TNFRSF11A: variants seen among roughly 807,000 people sequenced by gnomAD.
The protein encoded by TNFRSF11A is tumor necrosis factor receptor superfamily member 11A.
Under a neutral mutation model 55.7 loss-of-function variants are expected in TNFRSF11A, and 32 were observed. The ratio of observed to expected loss-of-function variants is 0.57; its 90% CI spans 0.43 to 0.77. The LOEUF is 0.77. TNFRSF11A is among the 30% of genes least tolerant of loss of function. The pLI is 0.00. For synonymous variants in TNFRSF11A, 311 were observed against 331.0 expected (o/e 0.94, Z 0.65); for missense variants, 753 against 809.8 (o/e 0.93, Z 0.85).
chr18:62,335,129 A>ATTTTTTTTTTTTTTTTTTTTTTTTTT (rs11289576), intron 1 of TNFRSF11A, among the ~76,000 whole-genome samples: 1 of 140,720 alleles, frequency 7.1e-6, no homozygotes, highest in Non-Finnish European at 1.5e-5. Flanking sequence ...TGGGGTCGGA[A>ATTTTTTTTTTTTTTTTTTTTTTTTTT]TTTTTTTTTT....
chr18:62,386,094 C>T lies in TNFRSF11A; in HGVS notation c.*1060C>T, dbSNP rs572639953. The T allele has an allele frequency of 9.1e-4, 139 of 152,280 alleles. 2 individuals are homozygous for T. Among genetic ancestry groups the T allele is most frequent in the Middle Eastern group, 3.4e-3 (1 of 294 alleles). The allele number at this position is 152,280 out of a possible 1,614,324, so 9.4% of individuals were successfully genotyped here. ...CCGCTAGGTGGTTAATTTATCCATG[C>T]TGGCAGAGGCACTCAGGTACTTGGT... On this transcript the variant is annotated 3_prime_UTR_variant, in exon 10 of 10. Coordinates refer to ENST00000586569, the MANE Select transcript of TNFRSF11A (RefSeq NM_003839.4).
rs906609866 is a variant in TNFRSF11A at position 62,388,097 on chromosome 18, CAAAAAT to C, written c.*3069_*3074del. ...GTCAGTGCACTCCAGTGTAAAAAAA[CAAAAAT>C]AAAAACCACCACTTATTTAGCTCCC... On this transcript the variant is annotated 3_prime_UTR_variant, in exon 10 of 10. Transcript: ENST00000586569. The C allele has an allele frequency of 2.0e-5, 3 of 152,198 alleles. No homozygotes were observed. The highest frequency in any genetic ancestry group is 4.8e-5 in the African/African-American group (2 of 41,432). The allele number at this position is 152,198 out of a possible 1,614,324, so 9.4% of individuals were successfully genotyped here.
At chr18:62,360,688 C>T (rs1909619944) in intron 6 of TNFRSF11A, among the ~76,000 whole-genome samples, 1 of 152,158 alleles carries the variant, frequency 6.6e-6, no homozygotes, top group Non-Finnish European at 1.5e-5. Context: ...CCCAGGTGAT[C>T]TGCCCGCCTT....
chr18:62,341,343 T>C (rs532559604), intron 1 of TNFRSF11A, among the ~76,000 whole-genome samples: 42 of 152,390 alleles, frequency 2.8e-4, no homozygotes, highest in Middle Eastern at 6.8e-3. Context: ...TTTTCCTAGT[T>C]GTCCTGCTAA....
At position 62,391,119 on chromosome 18, in the gene TNFRSF11A, T is replaced by C. The variant is rs1911975331; in HGVS notation, c.*6085T>C. ...GTAGAGTTACACAGCTCATAGCCAT[T>C]TGAGTCTGGCTTCTTTCCACATAAT... On this transcript the variant is annotated 3_prime_UTR_variant, in exon 10 of 10. Transcript: ENST00000586569. 3 of 152,246 alleles carry C rather than the reference T, an allele frequency of 2.0e-5. No homozygotes were observed. Among genetic ancestry groups the C allele is most frequent in the Admixed American group, 2.0e-4 (3 of 15,284 alleles). 9.4% of individuals were successfully genotyped at this position (152,246 alleles called of 1,614,324 possible).
At chr18:62,345,665 G>A (rs1221805952) in intron 1 of TNFRSF11A, among the ~76,000 whole-genome samples, 47 of 152,270 alleles carry the variant, frequency 3.1e-4, no homozygotes, top group Non-Finnish European at 3.4e-4. Flanking sequence ...TTGCCAAAGT[G>A]CTAAAAACCA....
intron 9 of TNFRSF11A, among the ~76,000 whole-genome samples, chr18:62,379,070 G>A (rs999884043): frequency 1.3e-5 from 2 of 152,194 alleles, no homozygotes; most frequent in Admixed American, 6.5e-5. Context: ...AGTGTCAGTC[G>A]GTAAAGGGGA....
intron 6 of TNFRSF11A, among the ~76,000 whole-genome samples, chr18:62,360,729 G>C (rs1237215943): frequency 6.6e-6 from 1 of 152,208 alleles, no homozygotes; most frequent in African/African-American, 2.4e-5. Flanking sequence ...TTACAGTAGT[G>C]AGCCACTGTG....
rs1310599883 is a variant in TNFRSF11A at position 62,391,099 on chromosome 18, G to A, written c.*6065G>A. On this transcript the variant is annotated 3_prime_UTR_variant, in exon 10 of 10. Transcript: ENST00000586569. ...CACCTTTTCCAATTTGTCGTGTAGA[G>A]TTACACAGCTCATAGCCATTTGAGT... The A allele has an allele frequency of 6.6e-6, 1 of 152,176 alleles. No individual in the cohort carries two copies. Among genetic ancestry groups the A allele is most frequent in the Non-Finnish European group, 1.5e-5 (1 of 68,050 alleles). 9.4% of individuals were successfully genotyped at this position (152,176 alleles called of 1,614,324 possible). A position where few individuals can be genotyped will look rare whatever the true frequency, so the allele number is the denominator to read the frequency against.
intron 4 of TNFRSF11A, among the ~76,000 whole-genome samples, chr18:62,356,737 C>G (rs1329855259): frequency 6.6e-6 from 1 of 152,214 alleles, no homozygotes; most frequent in Non-Finnish European, 1.5e-5. Flanking sequence ...GTCCACTTGT[C>G]ACCTCGTTCA....
chr18:62,368,831 G>T lies in TNFRSF11A; in HGVS notation c.914G>T (p.Gly305Val). 1 of 1,614,264 alleles carries T rather than the reference G, an allele frequency of 6.2e-7. No homozygotes were observed. Among genetic ancestry groups the T allele is most frequent in the Non-Finnish European group, 8.5e-7 (1 of 1,180,050 alleles). Residue 305 changes from glycine to valine, a missense_variant, in exon 9 of 10, where the codon GGT (glycine) becomes GTT (valine). Physicochemically the swap from Gly to Val is moderately radical, Grantham distance 109 (BLOSUM62 -3). Around this residue, in one of 3 missense-constraint regions of TNFRSF11A, gnomAD observed 567 missense variants for 596.7 expected, o/e 0.95. Coordinates refer to ENST00000586569, the MANE Select transcript of TNFRSF11A (RefSeq NM_003839.4). The part of the protein sequence containing the change: ...FPEDMCYPDQ[G>V]GVCQGTCVGG... ...GAAGATATGTGCTACCCAGATCAAG[G>T]TGGTGTCTGTCAGGGCACATGTGTA...
intron 9 of TNFRSF11A, among the ~76,000 whole-genome samples, chr18:62,381,663 T>C (rs1225487872): frequency 6.6e-6 from 1 of 152,220 alleles, no homozygotes; most frequent in Non-Finnish European, 1.5e-5. Flanking sequence ...CATAGACTTA[T>C]CTGTTTGTGT....
rs896322627 is a variant in TNFRSF11A, at chr18:62,383,295, C to T, written c.1568-1456C>T. Among the ~76,000 whole-genome samples, 12 of 152,116 alleles carry T rather than the reference C, an allele frequency of 7.9e-5. No individual in the cohort carries two copies. The highest frequency in any genetic ancestry group is 1.5e-4 in the Non-Finnish European group (10 of 68,020). On this transcript the variant is annotated intron_variant, in intron 9 of 9. Coordinates refer to ENST00000586569, the MANE Select transcript of TNFRSF11A (RefSeq NM_003839.4). This position sits in a 1 kb window ranked among gnomAD's most constrained non-coding sequence, Gnocchi z 4.2. ...TCCTTGTGTTTTGGTCTTGGCTTCT[C>T]TAGAGGTTACCCAGTGGGTCAGGGG...
chr18:62,335,387 T>C (rs1320615589), intron 1 of TNFRSF11A, among the ~76,000 whole-genome samples: 1 of 152,184 alleles, frequency 6.6e-6, no homozygotes, highest in Non-Finnish European at 1.5e-5. Flanking sequence ...ATCACAGGCA[T>C]GAGCCACCAC....
Position 62,385,299 on chromosome 18 carries a change from AT to A in TNFRSF11A, c.*268del, listed in dbSNP as rs962776388. The A allele has an allele frequency of 2.0e-4, 75 of 371,636 alleles. No individual in the cohort carries two copies. The highest frequency in any genetic ancestry group is 1.3e-3 in the Admixed American group (28 of 20,910). 23.0% of individuals were successfully genotyped at this position (371,636 alleles called of 1,614,324 possible). A position where few individuals can be genotyped will look rare whatever the true frequency, so the allele number is the denominator to read the frequency against. ...GCCACTCCTCAAACTCGCAGCAGTA[AT>A]TTGTGGCACTATGACAGCTATTTTT... On this transcript the variant is annotated 3_prime_UTR_variant, in exon 10 of 10. Coordinates refer to ENST00000586569, the MANE Select transcript of TNFRSF11A (RefSeq NM_003839.4).
intron 9 of TNFRSF11A, among the ~76,000 whole-genome samples, chr18:62,371,403 A>G (rs188483994): frequency 4.7e-4 from 71 of 152,366 alleles, no homozygotes; most frequent in African/African-American, 1.5e-3. Flanking sequence ...GCCATAAAAC[A>G]AAAAGCCCGA....
In TNFRSF11A at chr18:62,390,934, T is replaced by C. The variant is rs1257129336; in HGVS notation, c.*5900T>C. The C allele has an allele frequency of 6.6e-6, 1 of 152,238 alleles. No individual in the cohort carries two copies. Among genetic ancestry groups the C allele is most frequent in the Non-Finnish European group, 1.5e-5 (1 of 68,036 alleles). 9.4% of individuals were successfully genotyped at this position (152,238 alleles called of 1,614,324 possible). A position where few individuals can be genotyped will look rare whatever the true frequency, so the allele number is the denominator to read the frequency against. ...TTTTATGAGTTTTAACAAAAATACA[T>C]AGTTGTGTAACCACCACCATCACAA... On this transcript the variant is annotated 3_prime_UTR_variant, in exon 10 of 10. Coordinates refer to ENST00000586569, the MANE Select transcript of TNFRSF11A (RefSeq NM_003839.4).
chr18:62,363,945 T>C (rs1168998174), intron 7 of TNFRSF11A, among the ~76,000 whole-genome samples: 1 of 152,238 alleles, frequency 6.6e-6, no homozygotes, highest in Non-Finnish European at 1.5e-5. Flanking sequence ...TACATGTTTA[T>C]TGATCATCAG....
In TNFRSF11A at chr18:62,348,199, G is replaced by C. The variant is rs1235163783; in HGVS notation, c.107G>C (p.Ser36Thr). 6.2e-7 allele frequency: 1 copy of C among 1,614,030 alleles called. No homozygotes were observed. Among genetic ancestry groups the C allele is most frequent in the African/African-American group, 1.3e-5 (1 of 74,904 alleles). ...TTGCAGATCGCTCCTCCATGTACCA[G>C]TGAGAAGCATTATGAGCATCTGGGA... is the stretch of plus-strand genomic sequence containing the variant. Reference protein sequence around the residue: ...VALQIAPPCTSEKHYEHLGRC... With the variant: ...VALQIAPPCTTEKHYEHLGRC... Residue 36 changes from serine to threonine, a missense_variant, in exon 2 of 10, where the codon AGT (serine) becomes ACT (threonine). Around this residue, in one of 3 missense-constraint regions of TNFRSF11A, gnomAD observed 156 missense variants for 155.1 expected, o/e 1.01. Transcript: ENST00000586569.
Sources: allele counts gnomAD v4.1 joint callset (sites outside exome capture counted in the v4.1 genomes callset), GRCh38; gene constraint gnomAD v4.1.1; regional missense constraint gnomAD v4.1.1; non-coding constraint Gnocchi (gnomAD v3.1); transcripts MANE v1.5; gene names NCBI Gene and HGNC (gene_info 2026-07-23, HGNC 2026-07-21).